The following PI4K2B variants were observed in gnomAD, a reference collection of about 807,000 sequenced individuals.
The protein encoded by PI4K2B is phosphatidylinositol 4-kinase type 2 beta.
PI4K2B carries 46 observed loss-of-function variants against 56.6 expected under a neutral mutation model. That is an observed-to-expected ratio of 0.81 (90% CI 0.64 to 1.04). PI4K2B has a LOEUF of 1.04. Among genes scored for constraint, PI4K2B ranks in the 50% least tolerant of loss-of-function variants. The probability of loss-of-function intolerance (pLI) is 0.00; values close to 1 mark genes in which losing one functional copy is unlikely to be tolerated. For missense variants in PI4K2B, 556 were observed against 607.7 expected (o/e 0.91, Z 0.89); for synonymous variants, 211 against 223.8 (o/e 0.94, Z 0.51).
intron 4 of PI4K2B, among the ~76,000 whole-genome samples, chr4:25,256,924 G>A (rs1026706967): frequency 1.3e-5 from 2 of 150,796 alleles, no homozygotes; most frequent in Admixed American, 1.3e-4. Context: ...CCAGGAAGAG[G>A]TTGCATGAAA....
At chr4:25,250,275 C>G (rs1275460142) in intron 1 of PI4K2B, among the ~76,000 whole-genome samples, 3 of 152,076 alleles carry the variant, frequency 2.0e-5, no homozygotes, top group African/African-American at 7.2e-5. Flanking sequence ...TAAAAAAGAA[C>G]GAGATCATGT....
rs189817832 is a variant in PI4K2B, at chr4:25,265,799, G to A, written c.1078+1950G>A. ...TATGATCCTATATATGGCCTATTTAGAGGATAGTATTTGAAAAGAATGAGG... is the reference window on the plus strand; with the variant it reads ...TATGATCCTATATATGGCCTATTTAAAGGATAGTATTTGAAAAGAATGAGG... On this transcript the variant is annotated intron_variant, in intron 7 of 9. Coordinates refer to ENST00000264864, the MANE Select transcript of PI4K2B (RefSeq NM_018323.4). Among the ~76,000 whole-genome samples the A allele has an allele frequency of 4.6e-5, 7 of 152,250 alleles. No individual in the cohort carries two copies. In the East Asian group the frequency reaches 1.2e-3, roughly 25 times the overall value.
rs144944772 is a variant in PI4K2B, at chr4:25,239,802, C to T, written c.268+5371C>T. On this transcript the variant is annotated intron_variant, in intron 1 of 9. Coordinates refer to ENST00000264864, the MANE Select transcript of PI4K2B (RefSeq NM_018323.4). Reference sequence around the variant, plus strand: ...CAGCACACTGTCACCTCTCAATCCCCCCTCTAAACAGGACACCCCAACTGC... The same window carrying T: ...CAGCACACTGTCACCTCTCAATCCCTCCTCTAAACAGGACACCCCAACTGC... Among the ~76,000 whole-genome samples, 269 of 152,330 alleles carry T rather than the reference C, an allele frequency of 1.8e-3. 11 individuals are homozygous for T. In the East Asian group the frequency reaches 0.046, roughly 26 times the overall value.
chr4:25,250,983 G>A (rs1716026931), intron 1 of PI4K2B, among the ~76,000 whole-genome samples: 1 of 147,260 alleles, frequency 6.8e-6, no homozygotes, highest in African/African-American at 2.5e-5. Flanking sequence ...ACTGCAATAT[G>A]GGAAACGTAG....
chr4:25,272,977 C>T (rs1180234641), intron 9 of PI4K2B, among the ~76,000 whole-genome samples: 1 of 152,074 alleles, frequency 6.6e-6, no homozygotes, highest in East Asian at 1.9e-4. Flanking sequence ...ATTTAAATCC[C>T]TCTCCCTTCC....
At chr4:25,247,483 C>T (rs113458362) in intron 1 of PI4K2B, among the ~76,000 whole-genome samples, 6 of 152,346 alleles carry the variant, frequency 3.9e-5, no homozygotes, top group African/African-American at 1.4e-4. Context: ...TATCCTCTTA[C>T]AGCTTTATAG....
chr4:25,256,499 T>C lies in PI4K2B; in HGVS notation c.625-44T>C, dbSNP rs1716268390. ...TCATGGTGTATATGAAAAGAGATAC[T>C]ATAATGCAAATTCTAACCATTTTTC... On this transcript the variant is annotated intron_variant, in intron 3 of 9. Coordinates refer to ENST00000264864, the MANE Select transcript of PI4K2B (RefSeq NM_018323.4). 3.2e-6 allele frequency: 5 copies of C among 1,581,980 alleles called. No homozygotes were observed. The East Asian group carries it at 1.1e-4, about 36-fold the overall frequency.
At chr4:25,237,466 C>G (rs981902506) in intron 1 of PI4K2B, among the ~76,000 whole-genome samples, 1 of 152,158 alleles carries the variant, frequency 6.6e-6, no homozygotes, top group Non-Finnish European at 1.5e-5. Flanking sequence ...CCTCCACTCC[C>G]CAGGTTCAAG....
chr4:25,266,012 A>G (rs765446531), intron 7 of PI4K2B, among the ~76,000 whole-genome samples: 2 of 144,594 alleles, frequency 1.4e-5, no homozygotes. Flanking sequence ...CCAGTGGTTT[A>G]TCTTCCTGGT....
intron 9 of PI4K2B, among the ~76,000 whole-genome samples, chr4:25,272,764 A>G (rs1716948895): frequency 6.6e-6 from 1 of 152,124 alleles, no homozygotes; most frequent in Non-Finnish European, 1.5e-5. Context: ...TTGGGAGGCC[A>G]AGGTGGGTGG....
intron 1 of PI4K2B, among the ~76,000 whole-genome samples, chr4:25,235,636 A>G (rs1462098803): frequency 6.6e-6 from 1 of 152,250 alleles, no homozygotes; most frequent in African/African-American, 2.4e-5. Flanking sequence ...AGCTGAAACC[A>G]GATCACAAAC....
intron 9 of PI4K2B, 67 bp downstream of exon 9, chr4:25,269,270 C>A: frequency 3.6e-6 from 3 of 842,956 alleles, no homozygotes; most frequent in Non-Finnish European, 6.1e-6. Context: ...ACTGTTTTCC[C>A]CACTGTGATC....
chr4:25,259,855 C>T (rs1716395928), intron 5 of PI4K2B, among the ~76,000 whole-genome samples: 1 of 152,226 alleles, frequency 6.6e-6, no homozygotes, highest in Admixed American at 6.5e-5. Flanking sequence ...AGGGGCTCCC[C>T]ATTGTGGGTC....
rs1716277919 is a variant in PI4K2B at position 25,256,758 on chromosome 4, C to G, written c.756+84C>G. 7 of 1,247,136 alleles carry G rather than the reference C, an allele frequency of 5.6e-6. 1 individual carries two copies. The South Asian group carries it at 9.5e-5, about 17-fold the overall frequency. 77.3% of individuals were successfully genotyped at this position (1,247,136 alleles called of 1,614,324 possible). On this transcript the variant is annotated intron_variant, in intron 4 of 9. Transcript: ENST00000264864. ...TAGGAGCCAGGCATTGTGCTATTAG[C>G]TGTGGATATTATAGCACAGATTTTT...
intron 7 of PI4K2B, among the ~76,000 whole-genome samples, chr4:25,266,602 G>T (rs985350344): frequency 6.6e-6 from 1 of 152,120 alleles, no homozygotes; most frequent in Admixed American, 6.6e-5. Context: ...TCTCCTAATG[G>T]TTTGGAACCT....
At chr4:25,259,829 GTAGATTATCCAAAGCA>G in intron 5 of PI4K2B, among the ~76,000 whole-genome samples, 1 of 152,378 alleles carries the variant, frequency 6.6e-6, no homozygotes, top group East Asian at 1.9e-4. Flanking sequence ...TAAGCTTGAT[GTAGATTATCCAAAGCA>G]GGGGCTCCCC....
intron 1 of PI4K2B, among the ~76,000 whole-genome samples, chr4:25,249,741 C>A (rs539137486): frequency 6.5e-4 from 98 of 151,002 alleles, no homozygotes; most frequent in African/African-American, 2.3e-3. Flanking sequence ...TCAGACGGGG[C>A]GGCGGGGCAG....
At chr4:25,261,731 G>GAT (rs1716485125) in intron 6 of PI4K2B, among the ~76,000 whole-genome samples, 1 of 152,028 alleles carries the variant, frequency 6.6e-6, no homozygotes. Flanking sequence ...GGAACATATT[G>GAT]TATATTTATA....
chr4:25,237,387 G>A (rs1715310168), intron 1 of PI4K2B, among the ~76,000 whole-genome samples: 2 of 151,446 alleles, frequency 1.3e-5, no homozygotes, highest in Admixed American at 1.3e-4. Context: ...AGGGGTGGCA[G>A]TGGGGGAACA....
Sources: gnomAD v4.1 joint callset for allele counts (sites outside exome capture counted in the v4.1 genomes callset) on GRCh38, gnomAD v4.1.1 for gene constraint, MANE v1.5 for transcripts, NCBI Gene and HGNC (gene_info 2026-07-23, HGNC 2026-07-21) for gene names.